The following VPS37A variants were observed in gnomAD, a reference collection of about 807,000 sequenced individuals.
VPS37A encodes the protein VPS37A subunit of ESCRT-I, also known as vacuolar protein sorting-associated protein 37A.
A neutral mutation model predicts 49.8 loss-of-function variants in VPS37A; 30 were observed. The observed-to-expected ratio is 0.60, with a 90% confidence interval of 0.45 to 0.82. The LOEUF (loss-of-function observed/expected upper bound fraction) is 0.82, where lower values mean the gene tolerates loss of function less well. VPS37A is among the 40% of genes least tolerant of loss of function. The pLI is 0.00. For synonymous variants in VPS37A, 195 were observed against 160.6 expected (o/e 1.21, Z -1.62); for missense variants, 593 against 464.4 (o/e 1.28, Z -2.55).
At chr8:17,278,394 TTTAG>T (rs1161738007) in intron 6 of VPS37A, among the ~76,000 whole-genome samples, 1 of 152,158 alleles carries the variant, frequency 6.6e-6, no homozygotes, top group Non-Finnish European at 1.5e-5. Context: ...CAACTACATA[TTTAG>T]TTATACTGAA....
At chr8:17,262,965 G>T (rs538525028) in intron 1 of VPS37A, among the ~76,000 whole-genome samples, 1 of 151,754 alleles carries the variant, frequency 6.6e-6, no homozygotes, top group South Asian at 2.1e-4. Flanking sequence ...GGAGACTGAG[G>T]CAGGAGAATC....
At chr8:17,250,848 G>C (rs1415177265) in intron 1 of VPS37A, among the ~76,000 whole-genome samples, 1 of 152,150 alleles carries the variant, frequency 6.6e-6, no homozygotes, top group African/African-American at 2.4e-5. Context: ...AACTGTCATA[G>C]ATGACACTCA....
Position 17,252,364 on chromosome 8 carries a change from TG to T in VPS37A, c.125+4999del, listed in dbSNP as rs544894293. 6.6e-5 allele frequency among the ~76,000 whole-genome samples: 10 copies of T among 152,160 alleles called. No homozygotes were observed. In the South Asian group the frequency reaches 1.9e-3, roughly 28 times the overall value. On this transcript the variant is annotated intron_variant, in intron 1 of 11. Transcript: ENST00000324849. ...GTTGTTGTTGTTGTTTTGGTAGAGA[TG>T]GGGTTTTGCTATGTTGCCCAGGCTT...
chr8:17,320,094 C>T, the VPS37A span, among the ~76,000 whole-genome samples: 64,299 of 151,632 alleles, frequency 0.42, 15,654 homozygotes, highest in East Asian at 0.78. Flanking sequence ...TTGGGATAGA[C>T]GGGGTTAAAT....
At position 17,296,626 on chromosome 8, in the gene VPS37A, T is replaced by G. The variant is rs996744353; in HGVS notation, c.*1640T>G. 6.6e-6 allele frequency: 1 copy of G among 152,164 alleles called. No homozygotes were observed. Among genetic ancestry groups the G allele is most frequent in the South Asian group, 2.1e-4 (1 of 4,832 alleles). 9.4% of individuals were successfully genotyped at this position (152,164 alleles called of 1,614,324 possible). On this transcript the variant is annotated 3_prime_UTR_variant, in exon 12 of 12. Coordinates refer to ENST00000324849, the MANE Select transcript of VPS37A (RefSeq NM_152415.3). ...CACAGCCCCTCATTTGATTAATTCA[T>G]TTGATCTATCTATGTTATTAAGTAC...
At chr8:17,257,902 A>T (rs1388731673) in intron 1 of VPS37A, among the ~76,000 whole-genome samples, 1 of 152,128 alleles carries the variant, frequency 6.6e-6, no homozygotes, top group Non-Finnish European at 1.5e-5. Context: ...CTTTGTAACT[A>T]TTGTAACTAG....
At chr8:17,331,345 C>A in the VPS37A span, 4 of 1,487,196 alleles carry the variant, frequency 2.7e-6, no homozygotes, top group Non-Finnish European at 3.6e-6. Flanking sequence ...ATGAAACAAC[C>A]AAAACATTTC....
rs1431764798 is a variant in VPS37A at position 17,270,120 on chromosome 8, T to A, written c.416+1164T>A. On this transcript the variant is annotated intron_variant, in intron 4 of 11. Coordinates refer to ENST00000324849, the MANE Select transcript of VPS37A (RefSeq NM_152415.3). The stretch of plus-strand genomic sequence containing the variant: ...TATGGCAAGGACAGCACCAAGAGGA[T>A]GGCATTAAAGTATTCATGAGAAATA... 2.6e-5 allele frequency among the ~76,000 whole-genome samples: 4 copies of A among 152,014 alleles called. No individual in the cohort carries two copies. The East Asian group carries it at 7.7e-4, about 29-fold the overall frequency.
chr8:17,250,385 A>G (rs917887910), intron 1 of VPS37A, among the ~76,000 whole-genome samples: 1 of 152,210 alleles, frequency 6.6e-6, no homozygotes, highest in African/African-American at 2.4e-5. Context: ...CAGATTGGTT[A>G]TTCTAAAGGT....
chr8:17,281,176 G>T lies in VPS37A; in HGVS notation c.969+733G>T, dbSNP rs139123162. 2.2e-3 allele frequency among the ~76,000 whole-genome samples: 331 copies of T among 152,146 alleles called. 10 individuals are homozygous for T. In the East Asian group the frequency reaches 0.053, roughly 24 times the overall value. ...ATAGCTAACATTGAGCAATTAATAT[G>T]TCTTGCACCGCATGAAGCTATTTAC... On this transcript the variant is annotated intron_variant, in intron 9 of 11. Transcript: ENST00000324849.
chr8:17,278,727 AG>A (rs1159818652), intron 6 of VPS37A, among the ~76,000 whole-genome samples: 1 of 152,086 alleles, frequency 6.6e-6, no homozygotes, highest in Non-Finnish European at 1.5e-5. Flanking sequence ...TGTTGTCTTT[AG>A]GATATGACAT....
rs1477010073 is a variant in VPS37A at position 17,296,516 on chromosome 8, G to A, written c.*1530G>A. ...AATTTTCCCAGCAGTTACAGCAATG[G>A]GAGATAGAACAGTCTCAATCTTTTG... is the stretch of plus-strand genomic sequence containing the variant. On this transcript the variant is annotated 3_prime_UTR_variant, in exon 12 of 12. Coordinates refer to ENST00000324849, the MANE Select transcript of VPS37A (RefSeq NM_152415.3). 2 of 152,132 alleles carry A rather than the reference G, an allele frequency of 1.3e-5. No individual in the cohort carries two copies. Among genetic ancestry groups the A allele is most frequent in the Non-Finnish European group, 2.9e-5 (2 of 68,030 alleles). 9.4% of individuals were successfully genotyped at this position (152,132 alleles called of 1,614,324 possible).
intron 1 of VPS37A, among the ~76,000 whole-genome samples, chr8:17,254,584 C>G (rs991416714): frequency 3.2e-4 from 48 of 152,034 alleles, no homozygotes; most frequent in African/African-American, 1.1e-3. Context: ...TTATATTGGA[C>G]TTATGTTTTG....
intron 1 of VPS37A, among the ~76,000 whole-genome samples, chr8:17,262,381 A>C (rs764176490): frequency 6.6e-6 from 1 of 152,192 alleles, no homozygotes; most frequent in East Asian, 1.9e-4. Flanking sequence ...AGAAATGAGG[A>C]TGCCAGTTAA....
chr8:17,248,529 G>A (rs1811653627), intron 1 of VPS37A: 2 of 349,946 alleles, frequency 5.7e-6, no homozygotes, highest in South Asian at 2.1e-5. Flanking sequence ...ACCCGCTTCG[G>A]CCTCCCAAAG....
At chr8:17,264,289 A>AT (rs556164616) in intron 1 of VPS37A, among the ~76,000 whole-genome samples, 349 of 152,302 alleles carry the variant, frequency 2.3e-3, no homozygotes, top group African/African-American at 8.1e-3. Flanking sequence ...TGTGACCAGT[A>AT]TTTATTTCCT....
At chr8:17,251,759 G>A (rs1035071040) in intron 1 of VPS37A, among the ~76,000 whole-genome samples, 4 of 152,278 alleles carry the variant, frequency 2.6e-5, no homozygotes, top group African/African-American at 9.6e-5. Context: ...TAAAATAGTA[G>A]TGCCATTCTC....
chr8:17,264,770 A>C (rs1813289377), intron 1 of VPS37A, among the ~76,000 whole-genome samples: 2 of 152,174 alleles, frequency 1.3e-5, no homozygotes, highest in South Asian at 4.1e-4. Context: ...TGTTCATTTC[A>C]ATATTAAGCT....
chr8:17,286,513 G>C, intron 11 of VPS37A, 86 bp downstream of exon 11: 1 of 1,126,000 alleles, frequency 8.9e-7, no homozygotes, highest in South Asian at 1.4e-5. Context: ...CTGTTCATCA[G>C]CCTTAAGCAT....
Sources: allele counts gnomAD v4.1 joint callset (sites outside exome capture counted in the v4.1 genomes callset), GRCh38; gene constraint gnomAD v4.1.1; transcripts MANE v1.5; gene names NCBI Gene and HGNC (gene_info 2026-07-23, HGNC 2026-07-21).